The following INPP4B variants were observed in gnomAD, a reference collection of about 807,000 sequenced individuals.
The protein encoded by INPP4B is inositol polyphosphate-4-phosphatase type II B, also known as inositol polyphosphate 4-phosphatase type II.
Under a neutral mutation model 122.5 loss-of-function variants are expected in INPP4B, and 55 were observed. The ratio of observed to expected loss-of-function variants is 0.45; its 90% CI spans 0.36 to 0.56. The LOEUF (loss-of-function observed/expected upper bound fraction) is 0.56. Ranked by LOEUF, INPP4B falls within the 20% of genes least tolerant of loss-of-function variation. The probability of loss-of-function intolerance (pLI) is 0.00; values close to 1 mark genes in which losing one functional copy is unlikely to be tolerated. For synonymous variants in INPP4B, 403 were observed against 388.7 expected (o/e 1.04, Z -0.43); for missense variants, 1,000 against 1,097.7 (o/e 0.91, Z 1.26).
At chr4:142,536,540 T>C (rs1380353495) in intron 2 of INPP4B, among the ~76,000 whole-genome samples, 5 of 152,182 alleles carry the variant, frequency 3.3e-5, no homozygotes, top group Admixed American at 2.6e-4. Flanking sequence ...TGTTATTTTC[T>C]CAAAGAAAAA....
intron 9 of INPP4B, among the ~76,000 whole-genome samples, chr4:142,278,822 G>C (rs1749848962): frequency 6.6e-6 from 1 of 151,868 alleles, no homozygotes; most frequent in South Asian, 2.1e-4. Flanking sequence ...TGCATGGAAA[G>C]ATCTGATACT....
chr4:142,298,789 A>G (rs1300782673), intron 9 of INPP4B, among the ~76,000 whole-genome samples: 1 of 152,072 alleles, frequency 6.6e-6, no homozygotes, highest in African/African-American at 2.4e-5. Flanking sequence ...CTTCTTCTCA[A>G]TAATCTCCAT....
intron 2 of INPP4B, among the ~76,000 whole-genome samples, chr4:142,481,081 A>G (rs1820466015): frequency 6.7e-6 from 1 of 148,970 alleles, no homozygotes; most frequent in African/African-American, 2.5e-5. Flanking sequence ...GTTTCAGTGA[A>G]CCAAGATCGC....
At position 142,209,042 on chromosome 4, in the gene INPP4B, G is replaced by A; in HGVS notation, c.837-16C>T. 1 of 1,575,630 alleles carries A rather than the reference G, an allele frequency of 6.3e-7. No homozygotes were observed. The highest frequency in any genetic ancestry group is 8.6e-7 in the Non-Finnish European group (1 of 1,156,256). ...CTCCTGGTTTCTGTTAAGAGTGGAA[G>A]AGAAGAGAAACTTTATTTTTATCTT... On this transcript the variant is annotated splice_polypyrimidine_tract_variant and intron_variant, in intron 12 of 25. Coordinates refer to ENST00000262992, the MANE Select transcript of INPP4B (RefSeq NM_001101669.3).
At chr4:142,387,638 T>A (rs1796388237) in intron 7 of INPP4B, among the ~76,000 whole-genome samples, 1 of 152,168 alleles carries the variant, frequency 6.6e-6, no homozygotes, top group South Asian at 2.1e-4. Context: ...TTCTTATCAG[T>A]CACACTTCTA....
intron 14 of INPP4B, among the ~76,000 whole-genome samples, chr4:142,197,491 A>G (rs1838823702): frequency 6.6e-6 from 1 of 152,160 alleles, no homozygotes; most frequent in South Asian, 2.1e-4. Flanking sequence ...TTAATTCCTT[A>G]TGATAGTTTC....
intron 6 of INPP4B, 118 bp from the exon 7 acceptor site, chr4:142,403,172 T>C: frequency 1.4e-6 from 1 of 700,332 alleles, no homozygotes; most frequent in Admixed American, 2.1e-5. Context: ...AAGGAAATAG[T>C]TCTATTAGAA....
At chr4:142,479,321 G>C (rs1560704864) in intron 2 of INPP4B, among the ~76,000 whole-genome samples, 3 of 152,144 alleles carry the variant, frequency 2.0e-5, no homozygotes, top group East Asian at 1.9e-4. Context: ...TAACATGCTG[G>C]TGAATTAGCA....
chr4:142,082,124 G>C lies in INPP4B; in HGVS notation c.2549C>G (p.Ser850Trp). ...TCCKSAKDRTSMSVTLEQCSI... is the reference protein window; with the variant it reads ...TCCKSAKDRTWMSVTLEQCSI... Reference sequence around the variant, plus strand: ...GCATTGTTCAAGTGTCACTGACATCGATGTCCTGTCTTTGGCACTTTTACA... The same window carrying C: ...GCATTGTTCAAGTGTCACTGACATCCATGTCCTGTCTTTGGCACTTTTACA... Residue 850 changes from serine to tryptophan, a missense_variant, in exon 25 of 26, where the codon TCG becomes TGG. By Grantham distance (177) the Ser-to-Trp change is radical. Coordinates refer to ENST00000262992, the MANE Select transcript of INPP4B (RefSeq NM_001101669.3). 1 of 1,541,010 alleles carries C rather than the reference G, an allele frequency of 6.5e-7. No homozygotes were observed. Among genetic ancestry groups the C allele is most frequent in the Non-Finnish European group, 8.9e-7 (1 of 1,126,556 alleles).
intron 3 of INPP4B, among the ~76,000 whole-genome samples, chr4:142,462,010 T>C (rs1046541025): frequency 2.0e-5 from 3 of 152,190 alleles, no homozygotes; most frequent in African/African-American, 7.2e-5. Context: ...CATTTATATC[T>C]GTCTTCCCTT....
At position 142,268,584 on chromosome 4, in the gene INPP4B, C is replaced by T. The variant is rs60508207; in HGVS notation, c.615+2079G>A. On this transcript the variant is annotated intron_variant, in intron 10 of 25. Transcript: ENST00000262992. ...TTCACTGCAACATTACTCACAATAACTAAGATGTGGAAGCAATCTTAGTGT... is the reference window on the plus strand; with the variant it reads ...TTCACTGCAACATTACTCACAATAATTAAGATGTGGAAGCAATCTTAGTGT... Among the ~76,000 whole-genome samples, 18 of 151,994 alleles carry T rather than the reference C, an allele frequency of 1.2e-4. No homozygotes were observed. In the South Asian group the frequency reaches 3.1e-3, roughly 26 times the overall value.
intron 6 of INPP4B, among the ~76,000 whole-genome samples, chr4:142,403,773 G>T (rs1261300860): frequency 2.0e-5 from 3 of 152,138 alleles, no homozygotes; most frequent in African/African-American, 7.2e-5. Context: ...ATTTCTGGAA[G>T]CCCAAGTAAT....
chr4:142,142,809 A>T (rs927412549), intron 18 of INPP4B, among the ~76,000 whole-genome samples: 3 of 152,162 alleles, frequency 2.0e-5, no homozygotes, highest in Non-Finnish European at 1.5e-5. Context: ...AAACGTTTAA[A>T]GTGATGAATA....
intron 2 of INPP4B, among the ~76,000 whole-genome samples, chr4:142,570,753 C>T (rs1732625319): frequency 6.6e-6 from 1 of 151,902 alleles, no homozygotes; most frequent in African/African-American, 2.4e-5. Flanking sequence ...GATTTCACCA[C>T]CCATTGCATA....
At chr4:142,266,236 C>T (rs1314843938) in intron 10 of INPP4B, among the ~76,000 whole-genome samples, 1 of 152,090 alleles carries the variant, frequency 6.6e-6, no homozygotes, top group Non-Finnish European at 1.5e-5. Context: ...GGATCCAGCC[C>T]TAAGACAGGG....
At chr4:142,574,649 C>G (rs541514048) in intron 2 of INPP4B, among the ~76,000 whole-genome samples, 1 of 152,226 alleles carries the variant, frequency 6.6e-6, no homozygotes, top group Admixed American at 6.5e-5. Flanking sequence ...TCAAAATTGT[C>G]AGAATTGAAC....
At chr4:142,630,639 C>A (rs1314570061) in intron 2 of INPP4B, among the ~76,000 whole-genome samples, 4 of 152,012 alleles carry the variant, frequency 2.6e-5, no homozygotes, top group African/African-American at 7.2e-5. Context: ...TGAATAATTA[C>A]CAGGTCAGGA....
chr4:142,209,916 G>C (rs968058552), intron 12 of INPP4B, among the ~76,000 whole-genome samples: 1 of 150,956 alleles, frequency 6.6e-6, no homozygotes, highest in Non-Finnish European at 1.5e-5. Flanking sequence ...TGTATGCGTT[G>C]CTCCCTCTTT....
At chr4:142,206,318 T>A (rs1356365500) in intron 14 of INPP4B, among the ~76,000 whole-genome samples, 1 of 150,730 alleles carries the variant, frequency 6.6e-6, no homozygotes, top group Non-Finnish European at 1.5e-5. Flanking sequence ...CCACAGCAGC[T>A]TCTAAATGCC....
Sources: gnomAD v4.1 joint callset for allele counts (sites outside exome capture counted in the v4.1 genomes callset) on GRCh38, gnomAD v4.1.1 for gene constraint, MANE v1.5 for transcripts, NCBI Gene and HGNC (gene_info 2026-07-23, HGNC 2026-07-21) for gene names.